CACNB2: variants seen among roughly 807,000 people sequenced by gnomAD.
The protein encoded by CACNB2 is voltage-dependent L-type calcium channel subunit beta-2.
CACNB2 carries 42 observed loss-of-function variants against 73.3 expected under a neutral mutation model. The observed-to-expected ratio is 0.57, with a 90% confidence interval of 0.45 to 0.74. CACNB2 has a LOEUF of 0.74. Ranked by LOEUF, CACNB2 falls within the 30% of genes least tolerant of loss-of-function variation. The probability of loss-of-function intolerance (pLI) is 0.00; values close to 1 mark genes in which losing one functional copy is unlikely to be tolerated. For synonymous variants in CACNB2, 348 were observed against 310.3 expected (o/e 1.12, Z -1.28); for missense variants, 940 against 853.0 (o/e 1.10, Z -1.27).
intron 3 of CACNB2, among the ~76,000 whole-genome samples, chr10:18,482,361 G>T (rs2048824914): frequency 6.6e-6 from 1 of 152,130 alleles, no homozygotes. Flanking sequence ...ACTGCCACAG[G>T]TATACCTCAG....
In CACNB2 at chr10:18,374,817, A is replaced by G. The variant is rs887459777; in HGVS notation, c.214-27107A>G. On this transcript the variant is annotated intron_variant, in intron 2 of 13. Transcript: ENST00000324631. ...TTAGCATCAGCTCTATGCATAGGGT[A>G]CAGCCTCCTTCCCAGTTTTCAGATA... Among the ~76,000 whole-genome samples, 80 of 152,160 alleles carry G rather than the reference A, an allele frequency of 5.3e-4. 1 individual carries two copies. Among genetic ancestry groups the G allele is most frequent in the African/African-American group, 1.9e-3 (78 of 41,428 alleles).
At chr10:18,284,642 A>C (rs1413252786) in intron 2 of CACNB2, among the ~76,000 whole-genome samples, 3 of 152,200 alleles carry the variant, frequency 2.0e-5, no homozygotes, top group Non-Finnish European at 4.4e-5. Context: ...TGGTGAGTGC[A>C]TACTGATGAC....
intron 2 of CACNB2, among the ~76,000 whole-genome samples, chr10:18,329,074 G>A (rs989869003): frequency 5.3e-5 from 8 of 152,090 alleles, no homozygotes; most frequent in Non-Finnish European, 7.4e-5. Flanking sequence ...TTATTTTCTC[G>A]TTTTCGTTTG....
At chr10:18,184,657 T>C (rs1410786389) in intron 2 of CACNB2, among the ~76,000 whole-genome samples, 1 of 17,088 alleles carries the variant, frequency 5.9e-5, no homozygotes, top group Non-Finnish European at 1.8e-4. Flanking sequence ...TTGTTTTTTT[T>C]TTTTTTTTTT....
At chr10:18,175,971 G>A (rs977149020) in intron 2 of CACNB2, among the ~76,000 whole-genome samples, 2 of 152,304 alleles carry the variant, frequency 1.3e-5, no homozygotes, top group African/African-American at 2.4e-5. Flanking sequence ...CCCATTATAC[G>A]TATTTATGGT....
At chr10:18,509,575 G>C (rs2050660279) in intron 6 of CACNB2, among the ~76,000 whole-genome samples, 1 of 152,098 alleles carries the variant, frequency 6.6e-6, no homozygotes, top group Non-Finnish European at 1.5e-5. Context: ...GAGGCAGGAG[G>C]ATCACTTGAG....
intron 2 of CACNB2, among the ~76,000 whole-genome samples, chr10:18,385,643 CAAA>C (rs370371966): frequency 9.8e-6 from 1 of 102,222 alleles, no homozygotes; most frequent in Non-Finnish European, 2.0e-5. Flanking sequence ...AACTCCATCT[CAAA>C]AAAAAAAAAA....
chr10:18,245,815 G>T (rs1334923900), intron 2 of CACNB2, among the ~76,000 whole-genome samples: 1 of 152,066 alleles, frequency 6.6e-6, no homozygotes, highest in Non-Finnish European at 1.5e-5. Flanking sequence ...TGAAGGTATG[G>T]GGTGGGAAGT....
intron 2 of CACNB2, among the ~76,000 whole-genome samples, chr10:18,274,412 G>A (rs966128127): frequency 6.6e-6 from 1 of 152,096 alleles, no homozygotes; most frequent in African/African-American, 2.4e-5. Flanking sequence ...ACTCCTGAAC[G>A]CCTGCCTCTC....
At chr10:18,309,464 T>G (rs953983797) in intron 2 of CACNB2, among the ~76,000 whole-genome samples, 1 of 152,164 alleles carries the variant, frequency 6.6e-6, no homozygotes, top group Admixed American at 6.6e-5. Flanking sequence ...TTTTCTTTTT[T>G]CCTTTTTTTA....
rs183971331 is a variant in CACNB2, at chr10:18,286,922, A to T, written c.214-115002A>T. 2.9e-3 allele frequency among the ~76,000 whole-genome samples: 437 copies of T among 152,350 alleles called. 4 individuals are homozygous for T. The highest frequency in any genetic ancestry group is 0.01 in the African/African-American group (421 of 41,584). On this transcript the variant is annotated intron_variant, in intron 2 of 13. Transcript: ENST00000324631. ...ATGACCCTACCTATTAATCGACCCCATAGGGTCCACGATCTCCAAGTTAAG... is the reference window on the plus strand; with the variant it reads ...ATGACCCTACCTATTAATCGACCCCTTAGGGTCCACGATCTCCAAGTTAAG...
At chr10:18,307,863 C>T (rs1461869141) in intron 2 of CACNB2, among the ~76,000 whole-genome samples, 2 of 151,364 alleles carry the variant, frequency 1.3e-5, no homozygotes, top group Non-Finnish European at 2.9e-5. Flanking sequence ...GCTTACCCTG[C>T]AGAAGGCAAG....
intron 2 of CACNB2, among the ~76,000 whole-genome samples, chr10:18,221,580 G>T (rs1328597248): frequency 4.6e-5 from 7 of 152,194 alleles, no homozygotes; most frequent in Non-Finnish European, 1.0e-4. Context: ...TTGGGAGGCT[G>T]GGGTGGGAGG....
intron 2 of CACNB2, among the ~76,000 whole-genome samples, chr10:18,308,446 T>C (rs924603790): frequency 2.0e-5 from 3 of 152,212 alleles, no homozygotes; most frequent in Non-Finnish European, 2.9e-5. Context: ...GATTTTTCAA[T>C]CCTCACTCTC....
At chr10:18,276,554 T>C (rs2131673274) in intron 2 of CACNB2, among the ~76,000 whole-genome samples, 1 of 152,046 alleles carries the variant, frequency 6.6e-6, no homozygotes, top group South Asian at 2.1e-4. Flanking sequence ...AGCTCTGTAA[T>C]CCCAGAGCTT....
At chr10:18,519,443 C>T (rs2133168431) in intron 9 of CACNB2, among the ~76,000 whole-genome samples, 1 of 152,306 alleles carries the variant, frequency 6.6e-6, no homozygotes. Flanking sequence ...TTCTACAACC[C>T]CGCCTGTGGA....
intron 3 of CACNB2, among the ~76,000 whole-genome samples, chr10:18,460,343 G>A (rs2047503820): frequency 6.6e-6 from 1 of 152,092 alleles, no homozygotes; most frequent in Admixed American, 6.6e-5. Flanking sequence ...GCTCTCGGAG[G>A]TTTAGTAGGG....
At chr10:18,290,408 T>C (rs1324791012) in intron 2 of CACNB2, among the ~76,000 whole-genome samples, 1 of 152,138 alleles carries the variant, frequency 6.6e-6, no homozygotes, top group Non-Finnish European at 1.5e-5. Context: ...TTTGTGCATA[T>C]AATAGAAGCT....
intron 2 of CACNB2, among the ~76,000 whole-genome samples, chr10:18,379,323 G>A (rs773464721): frequency 1.3e-5 from 2 of 151,896 alleles, no homozygotes; most frequent in African/African-American, 2.4e-5. Context: ...AGCGATTCTC[G>A]TGCCTCAGGC....
Sources: gnomAD v4.1 joint callset for allele counts (sites outside exome capture counted in the v4.1 genomes callset) on GRCh38, gnomAD v4.1.1 for gene constraint, MANE v1.5 for transcripts, NCBI Gene and HGNC (gene_info 2026-07-23, HGNC 2026-07-21) for gene names.